The following COG5 variants were observed in gnomAD, a reference collection of about 807,000 sequenced individuals.
COG5 encodes component of oligomeric golgi complex 5.
A neutral mutation model predicts 110.4 loss-of-function variants in COG5; 86 were observed. That is an observed-to-expected ratio of 0.78 (90% CI 0.65 to 0.93). COG5 has a LOEUF of 0.93. COG5 is among the 40% of genes least tolerant of loss of function. COG5 has a pLI of 0.00. For missense variants in COG5, 1,077 were observed against 987.0 expected (o/e 1.09, Z -1.22); for synonymous variants, 360 against 334.6 (o/e 1.08, Z -0.83).
rs1160889335 is a variant in COG5 at position 107,411,460 on chromosome 7, A to G, written c.669+1042T>C. ...CTCTAATGTTAGAAGTTAGAATAATAATTATCTTTGGGGAAGCCAGAAGAG... is the reference window on the plus strand; with the variant it reads ...CTCTAATGTTAGAAGTTAGAATAATGATTATCTTTGGGGAAGCCAGAAGAG... On this transcript the variant is annotated intron_variant, in intron 7 of 21. Transcript: ENST00000297135. Among the ~76,000 whole-genome samples, 4 of 152,130 alleles carry G rather than the reference A, an allele frequency of 2.6e-5. No individual in the cohort carries two copies. In the South Asian group the frequency reaches 6.2e-4, roughly 24 times the overall value.
intron 6 of COG5, chr7:107,480,934 T>C (rs928304339): frequency 1.3e-5 from 2 of 152,154 alleles, no homozygotes; most frequent in African/African-American, 2.4e-5. Context: ...TAAAACAACA[T>C]GTGAAAATAA....
At chr7:107,263,891 A>G (rs754574782) in intron 14 of COG5, among the ~76,000 whole-genome samples, 2 of 152,192 alleles carry the variant, frequency 1.3e-5, no homozygotes, top group African/African-American at 4.8e-5. Context: ...CTCCCTAATC[A>G]TCATGCCTGA....
chr7:107,333,172 A>G (rs1346722564), intron 10 of COG5, among the ~76,000 whole-genome samples: 2 of 152,242 alleles, frequency 1.3e-5, no homozygotes, highest in Non-Finnish European at 2.9e-5. Flanking sequence ...ATTTGATCAA[A>G]GAAATCAAGA....
chr7:107,513,683 T>G (rs1273523180), intron 6 of COG5, among the ~76,000 whole-genome samples: 1 of 151,946 alleles, frequency 6.6e-6, no homozygotes, highest in Non-Finnish European at 1.5e-5. Context: ...ATTAAGAAAA[T>G]GTGGCACATA....
intron 8 of COG5, among the ~76,000 whole-genome samples, chr7:107,365,517 A>C (rs1268162821): frequency 6.7e-6 from 1 of 148,846 alleles, no homozygotes; most frequent in Non-Finnish European, 1.5e-5. Flanking sequence ...AATTTGCACA[A>C]GCTATCTAAG....
chr7:107,530,635 T>C (rs2129159858), intron 5 of COG5, among the ~76,000 whole-genome samples: 1 of 151,178 alleles, frequency 6.6e-6, no homozygotes, highest in African/African-American at 2.4e-5. Flanking sequence ...AACACAGTTT[T>C]CAGCACTCCA....
intron 6 of COG5, among the ~76,000 whole-genome samples, chr7:107,430,585 T>G (rs964633613): frequency 2.0e-5 from 3 of 152,240 alleles, no homozygotes; most frequent in Non-Finnish European, 4.4e-5. Context: ...TTGTTTTAGC[T>G]ATTCTGGGTT....
At chr7:107,444,624 T>TA (rs1794901334) in intron 6 of COG5, among the ~76,000 whole-genome samples, 1 of 152,228 alleles carries the variant, frequency 6.6e-6, no homozygotes, top group Non-Finnish European at 1.5e-5. Flanking sequence ...CTGATCATAT[T>TA]AAAGTTATGT....
chr7:107,204,348 T>C (rs2116099921), intron 21 of COG5, among the ~76,000 whole-genome samples: 1 of 152,322 alleles, frequency 6.6e-6, no homozygotes, highest in East Asian at 1.9e-4. Flanking sequence ...GCAGAGACCA[T>C]GTGGCCTGCA....
At chr7:107,396,117 G>GT (rs1185187727) in intron 7 of COG5, among the ~76,000 whole-genome samples, 2 of 152,100 alleles carry the variant, frequency 1.3e-5, no homozygotes, top group African/African-American at 4.8e-5. Flanking sequence ...TTACACACAC[G>GT]TAACACTTTT....
intron 6 of COG5, among the ~76,000 whole-genome samples, chr7:107,501,040 A>C (rs1798598892): frequency 6.6e-6 from 1 of 152,108 alleles, no homozygotes; most frequent in Admixed American, 6.5e-5. Flanking sequence ...TAAAGGAATA[A>C]ATTATCTTGG....
intron 10 of COG5, among the ~76,000 whole-genome samples, chr7:107,360,486 T>C (rs1179443741): frequency 1.3e-5 from 2 of 152,192 alleles, no homozygotes; most frequent in African/African-American, 4.8e-5. Flanking sequence ...AGAAGAGCTG[T>C]GGCCCTTTGG....
At chr7:107,222,611 C>T (rs898360634) in intron 19 of COG5, among the ~76,000 whole-genome samples, 1 of 152,192 alleles carries the variant, frequency 6.6e-6, no homozygotes, top group Non-Finnish European at 1.5e-5. Context: ...ATCAAACAGA[C>T]ATTTTGTTTT....
At chr7:107,436,033 T>C (rs1024413096) in intron 6 of COG5, among the ~76,000 whole-genome samples, 1 of 152,158 alleles carries the variant, frequency 6.6e-6, no homozygotes, top group Admixed American at 6.5e-5. Flanking sequence ...AAGTGAAATA[T>C]GCACAGAAAG....
chr7:107,243,763 T>C (rs1584564210), intron 17 of COG5, among the ~76,000 whole-genome samples: 1 of 152,150 alleles, frequency 6.6e-6, no homozygotes, highest in East Asian at 1.9e-4. Flanking sequence ...GACCTCATAA[T>C]TGGACATAAA....
Position 107,294,396 on chromosome 7 carries a change from T to A in COG5, c.1313+3746A>T, listed in dbSNP as rs571860625. Among the ~76,000 whole-genome samples the A allele has an allele frequency of 9.1e-4, 139 of 152,298 alleles. 1 individual carries two copies. The highest frequency in any genetic ancestry group is 4.5e-3 in the Admixed American group (69 of 15,296). ...CTCATCCTAGTTCAAGTCATTATCA[T>A]CTCTTATCTGGATAAACAAAATAGC... On this transcript the variant is annotated intron_variant, in intron 12 of 21. Transcript: ENST00000297135.
chr7:107,473,966 TACAAA>T, intron 6 of COG5: 1 of 579,832 alleles, frequency 1.7e-6, no homozygotes, highest in African/African-American at 1.9e-5. Flanking sequence ...TTTTTTTTCT[TACAAA>T]GAACACGTTA....
At chr7:107,520,730 T>C (rs1800263167) in intron 6 of COG5, among the ~76,000 whole-genome samples, 1 of 152,216 alleles carries the variant, frequency 6.6e-6, no homozygotes, top group Non-Finnish European at 1.5e-5. Flanking sequence ...CAAAGTAATT[T>C]ATAGATTCAA....
chr7:107,302,452 T>C (rs912737454), intron 11 of COG5, among the ~76,000 whole-genome samples: 7 of 152,198 alleles, frequency 4.6e-5, no homozygotes, highest in East Asian at 1.9e-4. Context: ...TGATTGATTA[T>C]TGTGATGATT....
Sources: gnomAD v4.1 joint callset for allele counts (sites outside exome capture counted in the v4.1 genomes callset) on GRCh38, gnomAD v4.1.1 for gene constraint, MANE v1.5 for transcripts, NCBI Gene and HGNC (gene_info 2026-07-23, HGNC 2026-07-21) for gene names.